Variants in OSGIN2 observed in about 807,000 individuals in gnomAD.
OSGIN2 encodes the protein oxidative stress induced growth inhibitor family member 2, also known as oxidative stress-induced growth inhibitor 2.
OSGIN2 carries 19 observed loss-of-function variants against 53.8 expected under a neutral mutation model. That is an observed-to-expected ratio of 0.35 (90% CI 0.25 to 0.52). The LOEUF (loss-of-function observed/expected upper bound fraction) is 0.52, where lower values mean the gene tolerates loss of function less well. OSGIN2 is among the 20% of genes least tolerant of loss of function. OSGIN2 has a pLI of 0.95. For missense variants in OSGIN2, 520 were observed against 662.7 expected (o/e 0.78, Z 2.36); for synonymous variants, 236 against 236.0 (o/e 1.00, Z 0.00).
At chr8:89,902,018 C>T (rs1289847899), upstream of OSGIN2, 1 of 152,382 alleles carries the variant, frequency 6.6e-6, no homozygotes, top group Non-Finnish European at 1.5e-5. Flanking sequence ...GTCCCGGGCA[C>T]CTGTGGTTTG....
chr8:89,926,529 T>A lies in OSGIN2; in HGVS notation c.*997T>A, dbSNP rs1809337602. 1 of 152,624 alleles carries A rather than the reference T, an allele frequency of 6.6e-6. No homozygotes were observed. Among genetic ancestry groups the A allele is most frequent in the Non-Finnish European group, 1.5e-5 (1 of 68,018 alleles). 9.5% of individuals were successfully genotyped at this position (152,624 alleles called of 1,614,324 possible). A position where few individuals can be genotyped will look rare whatever the true frequency, so the allele number is the denominator to read the frequency against. ...TTAAAGGTTAAAATAGAAAATAAAG[T>A]CAGAATTTTTCTTTTCCATTCCAAA... On this transcript the variant is annotated 3_prime_UTR_variant, in exon 6 of 6. Coordinates refer to ENST00000451899, the MANE Select transcript of OSGIN2 (RefSeq NM_001126111.3).
At chr8:89,918,557 C>T (rs1881467) in intron 4 of OSGIN2, among the ~76,000 whole-genome samples, 46,259 of 152,136 alleles carry the variant, frequency 0.3, 7,111 homozygotes, top group East Asian at 0.41. Context: ...ATCTTACCTA[C>T]TTCAATGGCT....
intron 4 of OSGIN2, among the ~76,000 whole-genome samples, chr8:89,918,386 G>C (rs1347380983): frequency 1.3e-5 from 2 of 151,848 alleles, no homozygotes. Context: ...CTGCAGCCTC[G>C]GACCCCTGAG....
At chr8:89,911,109 C>T (rs567298982) in intron 2 of OSGIN2, among the ~76,000 whole-genome samples, 1 of 152,202 alleles carries the variant, frequency 6.6e-6, no homozygotes, top group East Asian at 1.9e-4. Flanking sequence ...GTTTCCTTTT[C>T]CTGGCTCCCT....
chr8:89,925,650 T>A lies in OSGIN2; in HGVS notation c.*118T>A. Reference sequence around the variant, plus strand: ...AGTTAACTGAAGGAGAGCCTCAAACTATAGTAACTTCATTTTTAAAAGTTA... The same window carrying A: ...AGTTAACTGAAGGAGAGCCTCAAACAATAGTAACTTCATTTTTAAAAGTTA... On this transcript the variant is annotated 3_prime_UTR_variant, in exon 6 of 6. Coordinates refer to ENST00000451899, the MANE Select transcript of OSGIN2 (RefSeq NM_001126111.3). The A allele has an allele frequency of 1.5e-6, 1 of 684,690 alleles. No homozygotes were observed. Among genetic ancestry groups the A allele is most frequent in the Admixed American group, 2.9e-5 (1 of 33,984 alleles). 42.4% of individuals were successfully genotyped at this position (684,690 alleles called of 1,614,324 possible).
At chr8:89,911,719 G>C (rs1450845783) in intron 2 of OSGIN2, among the ~76,000 whole-genome samples, 1 of 151,224 alleles carries the variant, frequency 6.6e-6, no homozygotes, top group African/African-American at 2.4e-5. Context: ...CATATAACAA[G>C]GTCAGGAGAT....
At chr8:89,912,750 A>G (rs1808994435) in intron 2 of OSGIN2, among the ~76,000 whole-genome samples, 1 of 151,970 alleles carries the variant, frequency 6.6e-6, no homozygotes, top group African/African-American at 2.4e-5. Flanking sequence ...GTCTGAAAAA[A>G]AAAAACACAA....
chr8:89,917,624 T>G (rs1586005724), intron 4 of OSGIN2, among the ~76,000 whole-genome samples: 1 of 152,212 alleles, frequency 6.6e-6, no homozygotes, highest in East Asian at 1.9e-4. Flanking sequence ...TGATATTTCC[T>G]TATTAACTTC....
rs746477317 is a variant in OSGIN2 at position 89,925,339 on chromosome 8, A to G, written c.1457A>G (p.Asn486Ser). 6.2e-7 allele frequency: 1 copy of G among 1,614,144 alleles called. No individual in the cohort carries two copies. The highest frequency in any genetic ancestry group is 1.1e-5 in the South Asian group (1 of 91,088). The stretch of plus-strand genomic sequence containing the variant: ...AGCCAGCCAATCACATGTAAGGGTA[A>G]TCCTGTGGAAATAGATACATATACC... ...KSSQPITCKG[N>S]PVEIDTYTYE... Residue 486 changes from asparagine to serine, a missense_variant, in exon 6 of 6, where the codon AAT (asparagine) becomes AGT (serine). Transcript: ENST00000451899.
At chr8:89,902,503 G>C (rs963294084), upstream of OSGIN2, 1 of 153,026 alleles carries the variant, frequency 6.5e-6, no homozygotes, top group Admixed American at 6.6e-5. Flanking sequence ...CCCGCGCGCC[G>C]CTGCAGCCGC....
chr8:89,921,004 G>A, intron 4 of OSGIN2, 76 bp from the exon 5 acceptor site: 1 of 865,022 alleles, frequency 1.2e-6, no homozygotes, highest in South Asian at 1.6e-5. Context: ...GATGGATATG[G>A]TTAAAAAACA....
At chr8:89,921,838 G>C (rs896913278) in intron 5 of OSGIN2, among the ~76,000 whole-genome samples, 1 of 152,086 alleles carries the variant, frequency 6.6e-6, no homozygotes, top group Admixed American at 6.5e-5. Context: ...AATTAGCCAG[G>C]CATGGTGGCG....
Position 89,919,136 on chromosome 8 carries a change from T to C in OSGIN2, c.529-1944T>C, listed in dbSNP as rs72563776. ...AGCCCTTATTAGGTTTCTTGTCATA[T>C]TCCTCTTTTTATCTCTGACATTCTG... is the stretch of plus-strand genomic sequence containing the variant. On this transcript the variant is annotated intron_variant, in intron 4 of 5. Transcript: ENST00000451899. 6.6e-5 allele frequency among the ~76,000 whole-genome samples: 10 copies of C among 152,336 alleles called. No homozygotes were observed. The East Asian group carries it at 1.5e-3, about 23-fold the overall frequency.
intron 2 of OSGIN2, among the ~76,000 whole-genome samples, chr8:89,913,741 G>A (rs920895914): frequency 2.0e-5 from 3 of 152,160 alleles, no homozygotes; most frequent in Admixed American, 2.0e-4. Context: ...GCTTGCTTTT[G>A]AGCACATTAC....
chr8:89,912,120 G>A (rs7004759), intron 2 of OSGIN2, among the ~76,000 whole-genome samples: 14,480 of 152,116 alleles, frequency 0.095, 2,170 homozygotes, highest in African/African-American at 0.32. Context: ...TATTAGGTAA[G>A]GAACAGGATT....
At chr8:89,902,137 G>C (rs1347806623), upstream of OSGIN2, 1 of 152,236 alleles carries the variant, frequency 6.6e-6, no homozygotes, top group African/African-American at 2.4e-5. Flanking sequence ...TGGGTTCTCA[G>C]GCGTGGGAAG....
rs534475228 is a variant in OSGIN2, at chr8:89,902,922, G to A, written c.44+85G>A. 43 of 1,001,536 alleles carry A rather than the reference G, an allele frequency of 4.3e-5. No individual in the cohort carries two copies. The African/African-American group carries it at 6.4e-4, about 15-fold the overall frequency. 62.0% of individuals were successfully genotyped at this position (1,001,536 alleles called of 1,614,324 possible). A position where few individuals can be genotyped will look rare whatever the true frequency, so the allele number is the denominator to read the frequency against. ...TTGGCCTGGCCCGGGCCGGGACCGG[G>A]GTGGAGGGCGAGCGCCTGGACCGCA... On this transcript the variant is annotated intron_variant, in intron 1 of 5. Coordinates refer to ENST00000451899, the MANE Select transcript of OSGIN2 (RefSeq NM_001126111.3).
intron 4 of OSGIN2, among the ~76,000 whole-genome samples, chr8:89,919,011 C>T (rs1276539977): frequency 1.3e-5 from 2 of 152,212 alleles, no homozygotes. Flanking sequence ...TTCTAAATTA[C>T]ATGTCTGAGA....
At position 89,914,153 on chromosome 8, in the gene OSGIN2, C is replaced by T; in HGVS notation, c.276C>T (p.His92=). Residue 92 remains histidine, a synonymous_variant, in exon 3 of 6, where the codon CAC becomes CAT. Transcript: ENST00000451899. ...CGTATTTATCATCAGAAGCAATACACCCAAATACAATCTTAAATAGTAAAT... is the reference window on the plus strand; with the variant it reads ...CGTATTTATCATCAGAAGCAATACATCCAAATACAATCTTAAATAGTAAAT... ...YRPYLSSEAI[H]PNTILNSKLE... 1.3e-6 allele frequency: 2 copies of T among 1,599,094 alleles called. No individual in the cohort carries two copies. Among genetic ancestry groups the T allele is most frequent in the Non-Finnish European group, 8.6e-7 (1 of 1,166,826 alleles).
Sources: gnomAD v4.1 joint callset for allele counts (sites outside exome capture counted in the v4.1 genomes callset) on GRCh38, gnomAD v4.1.1 for gene constraint, MANE v1.5 for transcripts, NCBI Gene and HGNC (gene_info 2026-07-23, HGNC 2026-07-21) for gene names.